ALKBH3: variants seen among roughly 807,000 people sequenced by gnomAD.
The protein encoded by ALKBH3 is alpha-ketoglutarate-dependent dioxygenase alkB homolog 3.
A neutral mutation model predicts 43.9 loss-of-function variants in ALKBH3; 51 were observed. The observed-to-expected ratio is 1.16, with a 90% CI of 0.93 to 1.47. ALKBH3 has a LOEUF of 1.47. ALKBH3 is among the 40% of genes most tolerant of loss of function. The probability of loss-of-function intolerance (pLI) is 0.00; values close to 1 mark genes in which losing one functional copy is unlikely to be tolerated. For synonymous variants in ALKBH3, 102 were observed against 115.2 expected, an observed-to-expected ratio of 0.89 and a Z score of 0.73; for missense variants, 361 against 351.9, an observed-to-expected ratio of 1.03 and a Z score of -0.21.
rs1951706529 is a variant in ALKBH3 at position 43,880,936 on chromosome 11, C to T, written c.-314C>T. 1 of 152,630 alleles carries T rather than the reference C, an allele frequency of 6.6e-6. No homozygotes were observed. The highest frequency in any genetic ancestry group is 1.5e-5 in the Non-Finnish European group (1 of 68,250). 9.5% of individuals were successfully genotyped at this position (152,630 alleles called of 1,614,324 possible). ...GCGCGCCCGGCTCCGCCCGCAAGTG[C>T]GCCTTCCTGACTTACTGCTGGGTGC... On this transcript the variant is annotated 5_prime_UTR_variant, in exon 1 of 10. Coordinates refer to ENST00000302708, the MANE Select transcript of ALKBH3 (RefSeq NM_139178.4).
chr11:43,894,023 A>T (rs1951801843), intron 7 of ALKBH3, among the ~76,000 whole-genome samples: 1 of 152,172 alleles, frequency 6.6e-6, no homozygotes, highest in African/African-American at 2.4e-5. Context: ...AGAATTTTTT[A>T]AAGGTGGATT....
At chr11:43,901,752 T>C in intron 8 of ALKBH3, 27 bp downstream of exon 8, 4 of 1,609,290 alleles carry the variant, frequency 2.5e-6, no homozygotes, top group Non-Finnish European at 3.4e-6. Context: ...TCTTATGCTC[T>C]TCCTGCCTCT....
intron 1 of ALKBH3, among the ~76,000 whole-genome samples, chr11:43,882,205 A>G (rs1485766684): frequency 1.3e-5 from 2 of 152,214 alleles, no homozygotes; most frequent in Non-Finnish European, 2.9e-5. Context: ...AATGGAATAT[A>G]TGCTTGGAAA....
rs557138295 is a variant in ALKBH3, at chr11:43,908,310, G to C, written c.669+6585G>C. 2.0e-5 allele frequency among the ~76,000 whole-genome samples: 3 copies of C among 152,310 alleles called. No individual in the cohort carries two copies. In the South Asian group the frequency reaches 6.2e-4, roughly 32 times the overall value. On this transcript the variant is annotated intron_variant, in intron 8 of 9. Transcript: ENST00000302708. ...GGAAATCCAGAGGACACAGTGGAAG[G>C]GTGCAGGAGGGAAAGAGTTCCGGGG... is the stretch of plus-strand genomic sequence containing the variant.
intron 7 of ALKBH3, among the ~76,000 whole-genome samples, chr11:43,892,813 T>C (rs1008558369): frequency 1.3e-5 from 2 of 152,222 alleles, no homozygotes; most frequent in African/African-American, 4.8e-5. Context: ...GGCATTGGGA[T>C]ACACAGAAAT....
Position 43,896,489 on chromosome 11 carries a change from T to G in ALKBH3, c.459+4360T>G, listed in dbSNP as rs547006010. Among the ~76,000 whole-genome samples the G allele has an allele frequency of 6.6e-5, 10 of 152,226 alleles. No individual in the cohort carries two copies. In the East Asian group the frequency reaches 1.9e-3, roughly 29 times the overall value. On this transcript the variant is annotated intron_variant, in intron 7 of 9. Transcript: ENST00000302708. ...GACGTAGGCTGGGAGGCTAGACAAG[T>G]CTCTCCTTTTCACATTTTTCTGCCT...
Position 43,908,795 on chromosome 11 carries a change from A to G in ALKBH3, c.669+7070A>G, listed in dbSNP as rs376794183. The stretch of plus-strand genomic sequence containing the variant: ...TTCATTCAATTTCATTGACATTTCA[A>G]TGTGTGCAGTCCAGAAGGAAAGGCA... On this transcript the variant is annotated intron_variant, in intron 8 of 9. Coordinates refer to ENST00000302708, the MANE Select transcript of ALKBH3 (RefSeq NM_139178.4). 3.3e-5 allele frequency among the ~76,000 whole-genome samples: 5 copies of G among 152,168 alleles called. No individual in the cohort carries two copies. The South Asian group carries it at 6.2e-4, about 19-fold the overall frequency.
Position 43,883,082 on chromosome 11 carries a change from C to T in ALKBH3, c.80-3C>T. ...TTTGAGGCTGTCCCCTCTCTTGCTT[C>T]AGCTACCACTGCTAAGAGCCATCTC... On this transcript the variant is annotated splice_polypyrimidine_tract_variant and splice_region_variant and intron_variant, in intron 2 of 9. Transcript: ENST00000302708. The T allele has an allele frequency of 6.2e-7, 1 of 1,613,276 alleles. No individual in the cohort carries two copies. The highest frequency in any genetic ancestry group is 1.1e-5 in the South Asian group (1 of 90,972).
rs1565121000 is a variant in ALKBH3, at chr11:43,880,961, CGCGGGGCTGGGGGT to C, written c.-285_-272del. 6.6e-6 allele frequency: 1 copy of C among 152,412 alleles called. No individual in the cohort carries two copies. Among genetic ancestry groups the C allele is most frequent in the Non-Finnish European group, 1.5e-5 (1 of 68,204 alleles). 9.4% of individuals were successfully genotyped at this position (152,412 alleles called of 1,614,324 possible). On this transcript the variant is annotated 5_prime_UTR_variant, in exon 1 of 10. Transcript: ENST00000302708. ...CGCCTTCCTGACTTACTGCTGGGTG[CGCGGGGCTGGGGGT>C]GCGAGTACCACCCCTGAAGTCTCTT...
At chr11:43,915,154 G>A (rs1951973571) in intron 8 of ALKBH3, among the ~76,000 whole-genome samples, 1 of 149,696 alleles carries the variant, frequency 6.7e-6, no homozygotes, top group Non-Finnish European at 1.5e-5. Context: ...GTTGCAGTGA[G>A]CCGAGATCAC....
chr11:43,896,986 A>G (rs1370207922), intron 7 of ALKBH3, among the ~76,000 whole-genome samples: 1 of 151,638 alleles, frequency 6.6e-6, no homozygotes, highest in East Asian at 1.9e-4. Flanking sequence ...TGCCCAGGCT[A>G]GAGTGAGCAC....
intron 8 of ALKBH3, chr11:43,916,832 G>C (rs908248063): frequency 2.2e-4 from 33 of 152,226 alleles, no homozygotes; most frequent in African/African-American, 6.8e-4. Context: ...TCTATGGTCT[G>C]TTGCCACTCT....
rs775369237 is a variant in ALKBH3 at position 43,919,023 on chromosome 11, A to G, written c.670-15A>G. 4 of 1,583,210 alleles carry G rather than the reference A, an allele frequency of 2.5e-6. No homozygotes were observed. The highest frequency in any genetic ancestry group is 2.2e-5 in the South Asian group (2 of 90,260). On this transcript the variant is annotated splice_polypyrimidine_tract_variant and intron_variant, in intron 8 of 9. Coordinates refer to ENST00000302708, the MANE Select transcript of ALKBH3 (RefSeq NM_139178.4). ...CACAGGCAAAACATTTATTACAACA[A>G]ATGCTGTTTTCTAGGAAGAGAATGG...
chr11:43,886,233 T>C (rs142231803), intron 4 of ALKBH3, among the ~76,000 whole-genome samples: 7 of 152,324 alleles, frequency 4.6e-5, no homozygotes, highest in Non-Finnish European at 8.8e-5. Context: ...CCCTGAGATG[T>C]GCTTGCTGCC....
chr11:43,885,269 A>T (rs1951739331), intron 4 of ALKBH3, among the ~76,000 whole-genome samples: 1 of 152,234 alleles, frequency 6.6e-6, no homozygotes, highest in African/African-American at 2.4e-5. Context: ...TTAAAAAAAT[A>T]GCCGGAAATG....
At chr11:43,891,013 T>A (rs957457609) in intron 6 of ALKBH3, among the ~76,000 whole-genome samples, 2 of 152,232 alleles carry the variant, frequency 1.3e-5, no homozygotes, top group African/African-American at 4.8e-5. Flanking sequence ...TGTGGTATTG[T>A]TATTTGTAAT....
chr11:43,893,484 T>C (rs1240674873), intron 7 of ALKBH3, among the ~76,000 whole-genome samples: 1 of 152,200 alleles, frequency 6.6e-6, no homozygotes, highest in Non-Finnish European at 1.5e-5. Flanking sequence ...TTTATGACAA[T>C]CCTTTTTTTT....
At chr11:43,882,958 A>G in intron 2 of ALKBH3, 127 bp from the exon 3 acceptor site, 2 of 853,496 alleles carry the variant, frequency 2.3e-6, no homozygotes, top group Non-Finnish European at 3.6e-6. Context: ...TCTTCTGTTG[A>G]CTTTACCAGT....
At chr11:43,881,220 A>G (rs1202417465) in intron 1 of ALKBH3, 41 bp downstream of exon 1, 2 of 152,304 alleles carry the variant, frequency 1.3e-5, no homozygotes, top group African/African-American at 4.8e-5. Context: ...GGGAAGTGAC[A>G]GATCTGGATT....
Sources: gnomAD v4.1 joint callset for allele counts (sites outside exome capture counted in the v4.1 genomes callset) on GRCh38, gnomAD v4.1.1 for gene constraint, MANE v1.5 for transcripts, NCBI Gene and HGNC (gene_info 2026-07-23, HGNC 2026-07-21) for gene names.